The following UNKL variants were observed in gnomAD, a reference collection of about 807,000 sequenced individuals.
UNKL encodes the protein unk like zinc finger.
Under a neutral mutation model 78.0 loss-of-function variants are expected in UNKL, and 60 were observed. The observed-to-expected ratio is 0.77, with a 90% CI of 0.63 to 0.95. The LOEUF (loss-of-function observed/expected upper bound fraction) is 0.95, where lower values mean the gene tolerates loss of function less well. Among genes scored for constraint, UNKL ranks in the 40% least tolerant of loss-of-function variants. The pLI is 0.00. For missense variants in UNKL, 1,159 were observed against 1,045.7 expected, an observed-to-expected ratio of 1.11 and a Z score of -1.49; for synonymous variants, 608 against 474.8, an observed-to-expected ratio of 1.28 and a Z score of -3.65.
intron 10 of UNKL, among the ~76,000 whole-genome samples, chr16:1,376,807 G>C (rs942366452): frequency 2.0e-5 from 3 of 152,072 alleles, no homozygotes; most frequent in Non-Finnish European, 1.5e-5. Flanking sequence ...CCCAGTAAGA[G>C]ATTAACAAGA....
chr16:1,383,917 G>A (rs1165404946), intron 10 of UNKL: 3 of 349,594 alleles, frequency 8.6e-6, no homozygotes, highest in East Asian at 1.5e-4. Context: ...AGGAGAGGAA[G>A]GGGTGGGCTC....
chr16:1,367,972 C>A, intron 12 of UNKL, 114 bp from the exon 13 acceptor site: 1 of 960,834 alleles, frequency 1.0e-6, no homozygotes. Context: ...TGGGGCTCAC[C>A]TGCCCTGGCA....
At chr16:1,413,440 T>A (rs2038138195) in intron 2 of UNKL, among the ~76,000 whole-genome samples, 1 of 151,448 alleles carries the variant, frequency 6.6e-6, no homozygotes, top group East Asian at 2.0e-4. Context: ...TGGTGGCACA[T>A]GCCTGTAATC....
intron 2 of UNKL, among the ~76,000 whole-genome samples, chr16:1,411,275 C>G (rs1213673100): frequency 1.3e-5 from 2 of 152,112 alleles, no homozygotes; most frequent in Non-Finnish European, 2.9e-5. Context: ...CACTTGAGCC[C>G]AGGAGGTAGA....
At chr16:1,376,971 C>T (rs562483787) in intron 10 of UNKL, among the ~76,000 whole-genome samples, 14 of 152,202 alleles carry the variant, frequency 9.2e-5, no homozygotes, top group South Asian at 8.3e-4. Context: ...TTCCCTGCAA[C>T]GCCACGTACC....
At chr16:1,375,707 C>A (rs1012439785) in intron 10 of UNKL, among the ~76,000 whole-genome samples, 1 of 152,206 alleles carries the variant, frequency 6.6e-6, no homozygotes, top group Non-Finnish European at 1.5e-5. Flanking sequence ...GACCAGGAAC[C>A]CACAGTAGCA....
intron 14 of UNKL, among the ~76,000 whole-genome samples, chr16:1,366,851 A>G (rs921132993): frequency 2.3e-4 from 34 of 148,424 alleles, no homozygotes; most frequent in Non-Finnish European, 7.5e-5. Context: ...GCATTCGCTG[A>G]CAAGAGGGAG....
chr16:1,401,035 A>T (rs2037501879), intron 4 of UNKL, among the ~76,000 whole-genome samples: 1 of 151,766 alleles, frequency 6.6e-6, no homozygotes, highest in Non-Finnish European at 1.5e-5. Flanking sequence ...ATATAACCTC[A>T]TCTGTGTGCC....
At chr16:1,412,392 C>T (rs530805269) in intron 2 of UNKL, 1 of 152,252 alleles carries the variant, frequency 6.6e-6, no homozygotes, top group African/African-American at 2.4e-5. Context: ...GGGAGAATCA[C>T]CTGAGGTCAG....
intron 5 of UNKL, chr16:1,398,991 C>A: frequency 1.4e-6 from 2 of 1,477,648 alleles, no homozygotes; most frequent in South Asian, 1.3e-5. Flanking sequence ...GAGCCCCTGG[C>A]AGCTTGGGTG....
chr16:1,388,967 C>T (rs1294955296), intron 9 of UNKL, among the ~76,000 whole-genome samples: 1 of 152,208 alleles, frequency 6.6e-6, no homozygotes, highest in Non-Finnish European at 1.5e-5. Context: ...GAATTCCATC[C>T]ACACCGCTGT....
intron 8 of UNKL, among the ~76,000 whole-genome samples, chr16:1,391,075 A>T (rs1009069116): frequency 6.6e-6 from 1 of 151,908 alleles, no homozygotes; most frequent in African/African-American, 2.4e-5. Context: ...GCTTGAACCC[A>T]GGAGGTGGAG....
intron 9 of UNKL, among the ~76,000 whole-genome samples, chr16:1,385,652 G>C (rs2036784903): frequency 6.6e-6 from 1 of 152,236 alleles, no homozygotes; most frequent in Admixed American, 6.5e-5. Context: ...AACGTTTCAG[G>C]AGTAGACATT....
At chr16:1,379,758 CCA>C in intron 10 of UNKL, 1 of 803,390 alleles carries the variant, frequency 1.2e-6, no homozygotes, top group South Asian at 6.3e-5. Flanking sequence ...GTCGCACTGG[CCA>C]CGCCCCCCGC....
At chr16:1,401,523 G>GGGGGGGCCCCCC in intron 4 of UNKL, 45 bp downstream of exon 4, 3 of 1,470,322 alleles carry the variant, frequency 2.0e-6, no homozygotes, top group Non-Finnish European at 2.7e-6. Flanking sequence ...CTCGCGCTGT[G>GGGGGGGCCCCCC]CCCGCCCCCC....
At chr16:1,375,779 A>G (rs926036734) in intron 10 of UNKL, among the ~76,000 whole-genome samples, 3 of 152,164 alleles carry the variant, frequency 2.0e-5, no homozygotes, top group Non-Finnish European at 2.9e-5. Context: ...GCCTTGGGCC[A>G]GCCGCACCCA....
At chr16:1,394,971 G>A (rs550650566) in intron 6 of UNKL, among the ~76,000 whole-genome samples, 2 of 152,248 alleles carry the variant, frequency 1.3e-5, no homozygotes, top group East Asian at 1.9e-4. Flanking sequence ...TCCACCTCCC[G>A]AGTTCAAGTG....
intron 10 of UNKL, among the ~76,000 whole-genome samples, chr16:1,383,283 A>C (rs1051638491): frequency 2.0e-4 from 30 of 147,442 alleles, no homozygotes; most frequent in Non-Finnish European, 1.8e-4. Flanking sequence ...AAAAAAAAAA[A>C]AAAAACAAAA....
chr16:1,386,074 C>G lies in UNKL; in HGVS notation c.1087-689G>C, dbSNP rs74002222. 9.1e-3 allele frequency among the ~76,000 whole-genome samples: 1,385 copies of G among 152,346 alleles called. 23 individuals are homozygous for G. Among genetic ancestry groups the G allele is most frequent in the African/African-American group, 0.031 (1,282 of 41,580 alleles). On this transcript the variant is annotated intron_variant, in intron 9 of 14. Coordinates refer to ENST00000389221, the MANE Select transcript of UNKL (RefSeq NM_001372107.1). ...CCCGACACAAAAGACCCAGAGCCAC[C>G]TACGAGGTCACTGCAAAACCAAGCA...
Sources: allele counts gnomAD v4.1 joint callset (sites outside exome capture counted in the v4.1 genomes callset), GRCh38; gene constraint gnomAD v4.1.1; transcripts MANE v1.5; gene names NCBI Gene and HGNC (gene_info 2026-07-23, HGNC 2026-07-21).